PDS5B: variants seen among roughly 807,000 people sequenced by gnomAD.
The protein encoded by PDS5B is PDS5 cohesin associated factor B, also known as sister chromatid cohesion protein PDS5 homolog B.
A neutral mutation model predicts 184.1 loss-of-function variants in PDS5B; 51 were observed. The ratio of observed to expected loss-of-function variants is 0.28; its 90% CI spans 0.22 to 0.35. The LOEUF is 0.35. PDS5B is among the 10% of genes least tolerant of loss of function. PDS5B has a pLI of 1.00. For synonymous variants in PDS5B, 566 were observed against 569.2 expected, an observed-to-expected ratio of 0.99 and a Z score of 0.08; for missense variants, 1,180 against 1,723.3, an observed-to-expected ratio of 0.68 and a Z score of 5.58.
At chr13:32,707,875 C>T (rs1952076121) in intron 18 of PDS5B, among the ~76,000 whole-genome samples, 1 of 151,676 alleles carries the variant, frequency 6.6e-6, no homozygotes, top group Non-Finnish European at 1.5e-5. Flanking sequence ...CAGGACTGGA[C>T]TCCAGAGGCG....
chr13:32,619,170 C>G (rs1401848344), intron 1 of PDS5B, among the ~76,000 whole-genome samples: 1 of 198 alleles, frequency 5.1e-3, no homozygotes, highest in Non-Finnish European at 0.011. Flanking sequence ...TTTGAGGTAC[C>G]CTGTTGGGGG....
intron 1 of PDS5B, among the ~76,000 whole-genome samples, chr13:32,604,050 A>T (rs1483218539): frequency 1.3e-5 from 2 of 152,180 alleles, no homozygotes; most frequent in African/African-American, 4.8e-5. Context: ...CTCTTTTCCT[A>T]ATTGAATACA....
chr13:32,755,927 G>A lies in PDS5B; in HGVS notation c.3027G>A (p.Gln1009=). ...ATGACCCAGATTATGTCAAAGTACA[G>A]GATATTGAACAACTTAAAGATGTTA... The part of the protein sequence containing the change: ...LAHDPDYVKV[Q]DIEQLKDVKE... The change falls in exon 26 of 35, where the codon CAG becomes CAA. Residue 1009 remains glutamine, a synonymous_variant. Coordinates refer to ENST00000315596, the MANE Select transcript of PDS5B (RefSeq NM_015032.4). 1 of 1,571,228 alleles carries A rather than the reference G, an allele frequency of 6.4e-7. No individual in the cohort carries two copies. Among genetic ancestry groups the A allele is most frequent in the South Asian group, 1.1e-5 (1 of 87,564 alleles).
intron 3 of PDS5B, among the ~76,000 whole-genome samples, chr13:32,656,400 C>T (rs1281420174): frequency 1.4e-5 from 2 of 148,044 alleles, no homozygotes; most frequent in African/African-American, 5.0e-5. Flanking sequence ...ATAGGAATAG[C>T]ATTTAATTCA....
intron 15 of PDS5B, among the ~76,000 whole-genome samples, chr13:32,698,404 C>T (rs1024001988): frequency 6.6e-5 from 10 of 152,084 alleles, no homozygotes; most frequent in African/African-American, 2.2e-4. Flanking sequence ...ACACAGATTG[C>T]GAAGTGCTGC....
chr13:32,701,470 G>A (rs1234072724), intron 17 of PDS5B, 32 bp downstream of exon 17: 1 of 1,295,696 alleles, frequency 7.7e-7, no homozygotes, highest in Non-Finnish European at 1.1e-6. Context: ...AGTTCTCATT[G>A]CTGTTCATTA....
intron 3 of PDS5B, among the ~76,000 whole-genome samples, chr13:32,656,409 C>T (rs2140687537): frequency 6.8e-6 from 1 of 146,978 alleles, no homozygotes; most frequent in Non-Finnish European, 1.5e-5. Context: ...GCATTTAATT[C>T]AGTAAATTGC....
At chr13:32,596,908 A>G (rs2057882965) in intron 1 of PDS5B, among the ~76,000 whole-genome samples, 1 of 152,172 alleles carries the variant, frequency 6.6e-6, no homozygotes, top group South Asian at 2.1e-4. Flanking sequence ...CAGAGTATTA[A>G]GAGTATTTTC....
At chr13:32,728,174 AT>A (rs1251601362) in intron 19 of PDS5B, among the ~76,000 whole-genome samples, 6 of 150,480 alleles carry the variant, frequency 4.0e-5, no homozygotes. Flanking sequence ...TATATTTTAT[AT>A]TTTTCATTTC....
chr13:32,631,389 G>A (rs1324570605), intron 1 of PDS5B, among the ~76,000 whole-genome samples: 9 of 152,026 alleles, frequency 5.9e-5, no homozygotes, highest in Non-Finnish European at 8.8e-5. Flanking sequence ...CGTGGCGCTC[G>A]GCCCCTATTT....
At chr13:32,587,478 G>A (rs1234901001) in intron 1 of PDS5B, among the ~76,000 whole-genome samples, 1 of 152,196 alleles carries the variant, frequency 6.6e-6, no homozygotes, top group African/African-American at 2.4e-5. Flanking sequence ...TTTCGGTCCG[G>A]AGAAAAACCT....
intron 1 of PDS5B, among the ~76,000 whole-genome samples, chr13:32,587,097 C>G (rs1184660701): frequency 6.7e-6 from 1 of 148,186 alleles, no homozygotes; most frequent in Non-Finnish European, 1.5e-5. Context: ...TTGAATCCTC[C>G]CGCGGGCGGG....
Position 32,775,171 on chromosome 13 carries a change from G to T in PDS5B, c.*119G>T. On this transcript the variant is annotated 3_prime_UTR_variant, in exon 35 of 35. Transcript: ENST00000315596. ...CACAAAATGGGACTGCTGAAGAGTG[G>T]ACAGTTGGACCTTACTTTGGTGACC... 1.2e-6 allele frequency: 1 copy of T among 818,454 alleles called. No individual in the cohort carries two copies. The highest frequency in any genetic ancestry group is 1.8e-5 in the African/African-American group (1 of 55,972). 50.7% of individuals were successfully genotyped at this position (818,454 alleles called of 1,614,324 possible). A position where few individuals can be genotyped will look rare whatever the true frequency, so the allele number is the denominator to read the frequency against.
At chr13:32,771,773 G>C (rs10047795) in intron 33 of PDS5B, among the ~76,000 whole-genome samples, 1,815 of 152,008 alleles carry the variant, frequency 0.012, 38 homozygotes, top group African/African-American at 0.04. Context: ...GATTCTTAAG[G>C]AATCCTTTAT....
At chr13:32,659,406 AT>A in intron 6 of PDS5B, 126 bp downstream of exon 6, 1 of 553,904 alleles carries the variant, frequency 1.8e-6, no homozygotes, top group East Asian at 3.2e-5. Flanking sequence ...GTTTAGTTAT[AT>A]TAATACATAT....
Position 32,735,255 on chromosome 13 carries a change from A to G in PDS5B, c.2331A>G (p.Ala777=). 1 of 1,612,700 alleles carries G rather than the reference A, an allele frequency of 6.2e-7. No homozygotes were observed. Among genetic ancestry groups the G allele is most frequent in the Non-Finnish European group, 8.5e-7 (1 of 1,178,922 alleles). ...LVTIGHIALL[A]PDQFAAPLKS... is the part of the protein sequence containing the mutation. ...CTATTGGTCATATTGCTCTCCTTGC[A>G]CCTGATCAATTTGCTGCTCCTTTGA... Residue 777 remains alanine, a synonymous_variant, in exon 21 of 35, where the codon GCA becomes GCG. Transcript: ENST00000315596.
chr13:32,769,405 G>T (rs1013246789), intron 31 of PDS5B, among the ~76,000 whole-genome samples: 1 of 152,086 alleles, frequency 6.6e-6, no homozygotes, highest in Admixed American at 6.5e-5. Context: ...TGTATTATAA[G>T]TGTTCATACA....
chr13:32,717,002 C>T (rs1483486106), intron 19 of PDS5B, among the ~76,000 whole-genome samples: 10 of 129,860 alleles, frequency 7.7e-5, no homozygotes, highest in South Asian at 2.4e-4. Context: ...CCAGCTGCCC[C>T]GTCCGGGAGG....
chr13:32,670,253 G>C lies in PDS5B; in HGVS notation c.705+2409G>C, dbSNP rs186325603. On this transcript the variant is annotated intron_variant, in intron 7 of 34. Transcript: ENST00000315596. The stretch of plus-strand genomic sequence containing the variant: ...GTTGTTTGAGACAGAGTCTTGCTCT[G>C]TCACCCAGGCTGGAGTTCAGTGGTG... 1.6e-3 allele frequency among the ~76,000 whole-genome samples: 242 copies of C among 152,066 alleles called. 1 individual carries two copies. The highest frequency in any genetic ancestry group is 5.6e-3 in the African/African-American group (234 of 41,490).
Sources: gnomAD v4.1 joint callset for allele counts (sites outside exome capture counted in the v4.1 genomes callset) on GRCh38, gnomAD v4.1.1 for gene constraint, MANE v1.5 for transcripts, NCBI Gene and HGNC (gene_info 2026-07-23, HGNC 2026-07-21) for gene names.